GAPDHS: variants seen among roughly 807,000 people sequenced by gnomAD.
The protein encoded by GAPDHS is glyceraldehyde-3-phosphate dehydrogenase, testis-specific.
A neutral mutation model predicts 48.7 loss-of-function variants in GAPDHS; 42 were observed. That is an observed-to-expected ratio of 0.86 (90% CI 0.67 to 1.12). GAPDHS has a LOEUF of 1.12. Ranked by LOEUF, GAPDHS falls within the 50% of genes most tolerant of loss-of-function variation. The probability of loss-of-function intolerance (pLI) is 0.00; values close to 1 mark genes in which losing one functional copy is unlikely to be tolerated. For missense variants in GAPDHS, 512 were observed against 557.7 expected (o/e 0.92, Z 0.82); for synonymous variants, 166 against 219.1 (o/e 0.76, Z 2.14).
At position 35,538,646 on chromosome 19, in the gene GAPDHS, C is replaced by G; in HGVS notation, c.412C>G (p.Leu138Val). The G allele has an allele frequency of 6.2e-7, 1 of 1,610,230 alleles. No individual in the cohort carries two copies. The highest frequency in any genetic ancestry group is 8.5e-7 in the Non-Finnish European group (1 of 1,176,450). The change falls in exon 4 of 11, where the codon CTG becomes GTG. Residue 138 changes from leucine (L) to valine (V), a missense_variant. Physicochemically the swap from Leu to Val is conservative, Grantham distance 32. Coordinates refer to ENST00000222286, the MANE Select transcript of GAPDHS (RefSeq NM_014364.5). ...AAGTGTGGAATTCAGGAATGGACAA[C>G]TGGTCGTGGACAACCATGAGATCTC... ...KGSVEFRNGQ[L>V]VVDNHEISVY...
At chr19:35,545,054 G>A in intron 10 of GAPDHS, 44 bp from the exon 11 acceptor site, 2 of 1,599,896 alleles carry the variant, frequency 1.3e-6, no homozygotes, top group African/African-American at 1.3e-5. Context: ...ACTAAGGGGT[G>A]GTCGGAAGGA....
chr19:35,544,101 A>G, intron 9 of GAPDHS: 1 of 406,790 alleles, frequency 2.5e-6, no homozygotes, highest in South Asian at 4.5e-5. Context: ...TTTTGTGGCC[A>G]TATTCCTCAC....
At chr19:35,534,052 C>T (rs2071449190) in intron 1 of GAPDHS, among the ~76,000 whole-genome samples, 1 of 152,246 alleles carries the variant, frequency 6.6e-6, no homozygotes, top group Non-Finnish European at 1.5e-5. Flanking sequence ...CTGACCACTT[C>T]GCAGGCGAGA....
intron 1 of GAPDHS, 33 bp from the exon 2 acceptor site, chr19:35,536,780 C>G: frequency 1.3e-6 from 2 of 1,539,224 alleles, no homozygotes; most frequent in Non-Finnish European, 1.8e-6. Context: ...CTTTGGTGGT[C>G]ATGCAACCCA....
intron 4 of GAPDHS, chr19:35,540,746 T>G (rs2071496221): frequency 6.6e-6 from 1 of 151,878 alleles, no homozygotes. Context: ...CATCGGGTTG[T>G]GAAGGTTACA....
intron 1 of GAPDHS, among the ~76,000 whole-genome samples, chr19:35,533,825 C>G (rs1381758166): frequency 1.3e-5 from 2 of 152,230 alleles, no homozygotes; most frequent in African/African-American, 4.8e-5. Flanking sequence ...GTGGGCTTCG[C>G]GCCGCTATCA....
intron 2 of GAPDHS, 146 bp from the exon 3 acceptor site, chr19:35,538,161 G>C: frequency 1.6e-6 from 1 of 619,106 alleles, no homozygotes; most frequent in Non-Finnish European, 2.9e-6. Flanking sequence ...GGGCTGGTGA[G>C]GTCATCTTGG....
Position 35,543,410 on chromosome 19 carries a change from G to A in GAPDHS, c.812G>A (p.Gly271Glu). ...DGPSRKAWRD[G>E]RGAHQNIIPA... ...CCATCAAGGAAGGCCTGGCGAGATGGGCGGGGTGCCCACCAGAACATCATC... is the reference window on the plus strand; with the variant it reads ...CCATCAAGGAAGGCCTGGCGAGATGAGCGGGGTGCCCACCAGAACATCATC... The change falls in exon 8 of 11, where the codon GGG becomes GAG. Residue 271 changes from glycine (G) to glutamate (E), a missense_variant. Transcript: ENST00000222286. 1 of 1,611,814 alleles carries A rather than the reference G, an allele frequency of 6.2e-7. No individual in the cohort carries two copies. Among genetic ancestry groups the A allele is most frequent in the Non-Finnish European group, 8.5e-7 (1 of 1,179,278 alleles).
At chr19:35,534,674 T>G (rs2071453850) in intron 1 of GAPDHS, among the ~76,000 whole-genome samples, 1 of 151,752 alleles carries the variant, frequency 6.6e-6, no homozygotes, top group Non-Finnish European at 1.5e-5. Context: ...GGTGGACAAA[T>G]CCCCTTTCTC....
chr19:35,544,829 TAGAGTTA>T, intron 9 of GAPDHS, 73 bp from the exon 10 acceptor site: 1 of 821,002 alleles, frequency 1.2e-6, no homozygotes. Flanking sequence ...GGATGGGCGA[TAGAGTTA>T]AGAGTCGGGG....
intron 2 of GAPDHS, 49 bp downstream of exon 2, chr19:35,537,039 C>G: frequency 2.1e-6 from 3 of 1,441,162 alleles, no homozygotes; most frequent in Non-Finnish European, 2.8e-6. Flanking sequence ...GAGCCCAGCC[C>G]CTCCTCTGGC....
intron 1 of GAPDHS, among the ~76,000 whole-genome samples, chr19:35,535,242 G>C (rs561780354): frequency 2.6e-5 from 4 of 152,308 alleles, no homozygotes; most frequent in African/African-American, 9.6e-5. Context: ...TCCAGGCGCA[G>C]GTGTTTTTAA....
At chr19:35,535,251 A>T (rs2071458075) in intron 1 of GAPDHS, among the ~76,000 whole-genome samples, 1 of 152,160 alleles carries the variant, frequency 6.6e-6, no homozygotes, top group Admixed American at 6.5e-5. Flanking sequence ...AGGTGTTTTT[A>T]AGTGCAGTCT....
chr19:35,545,051 G>T, intron 10 of GAPDHS, 45 bp downstream of exon 10: 4 of 1,602,726 alleles, frequency 2.5e-6, no homozygotes, highest in Non-Finnish European at 3.4e-6. Context: ...GGAACTAAGG[G>T]GTGGTCGGAA....
intron 7 of GAPDHS, 38 bp downstream of exon 7, chr19:35,543,064 C>T (rs769997313): frequency 1.8e-5 from 27 of 1,465,872 alleles, no homozygotes; most frequent in Non-Finnish European, 2.4e-5. Context: ...GGAAGGATGG[C>T]AGGGAAACCC....
chr19:35,536,900 A>C lies in GAPDHS; in HGVS notation c.155A>C (p.Lys52Thr), dbSNP rs1488311368. 5 of 1,613,896 alleles carry C rather than the reference A, an allele frequency of 3.1e-6. No homozygotes were observed. Among genetic ancestry groups the C allele is most frequent in the African/African-American group, 1.3e-5 (1 of 74,942 alleles). ...PEPTPVREEIKPPPPPLPPHP... is the reference protein window; with the variant it reads ...PEPTPVREEITPPPPPLPPHP... ...CCCACACCAGTCAGGGAGGAAATAA[A>C]GCCACCACCGCCACCACTGCCTCCT... is the stretch of plus-strand genomic sequence containing the variant. The change falls in exon 2 of 11, where the codon AAG (lysine) becomes ACG (threonine). Residue 52 changes from lysine (K) to threonine (T), a missense_variant. Physicochemically the swap from Lys to Thr is moderately conservative, Grantham distance 78. Coordinates refer to ENST00000222286, the MANE Select transcript of GAPDHS (RefSeq NM_014364.5).
chr19:35,543,182 A>G, intron 7 of GAPDHS, 156 bp downstream of exon 7: 2 of 1,033,252 alleles, frequency 1.9e-6, no homozygotes, highest in Non-Finnish European at 3.0e-6. Flanking sequence ...TGCAACCCTC[A>G]GGCAAGGCTG....
Position 35,538,398 on chromosome 19 carries a change from T to C in GAPDHS, c.337T>C (p.Tyr113His). 1 of 1,576,700 alleles carries C rather than the reference T, an allele frequency of 6.3e-7. No individual in the cohort carries two copies. Among genetic ancestry groups the C allele is most frequent in the Non-Finnish European group, 8.7e-7 (1 of 1,147,064 alleles). ...AVNDPFIDPE[Y>H]MVYMFKYDST... ...GAATGATCCATTCATTGACCCGGAA[T>C]ACATGGTCAGTAGCTGGCAGAGGGC... The change falls in exon 3 of 11, where the codon TAC becomes CAC. Residue 113 changes from tyrosine to histidine, a missense_variant. Physicochemically the swap from Tyr to His is moderately conservative, Grantham distance 83 (BLOSUM62 2). Transcript: ENST00000222286.
At position 35,538,660 on chromosome 19, in the gene GAPDHS, C is replaced by T; in HGVS notation, c.426C>T (p.Asn142=). The change falls in exon 4 of 11, where the codon AAC becomes AAT. Residue 142 remains asparagine, a synonymous_variant. Transcript: ENST00000222286. The part of the protein sequence containing the change: ...EFRNGQLVVD[N]HEISVYQCKE... ...GGAATGGACAACTGGTCGTGGACAA[C>T]CATGAGATCTCTGTCTACCAGTGGT... The T allele has an allele frequency of 1.9e-6, 3 of 1,599,556 alleles. No individual in the cohort carries two copies. Among genetic ancestry groups the T allele is most frequent in the African/African-American group, 2.7e-5 (2 of 74,698 alleles).
Sources: gnomAD v4.1 joint callset for allele counts (sites outside exome capture counted in the v4.1 genomes callset) on GRCh38, gnomAD v4.1.1 for gene constraint, MANE v1.5 for transcripts, NCBI Gene and HGNC (gene_info 2026-07-23, HGNC 2026-07-21) for gene names.